Variants in MSRB3 observed in about 807,000 individuals in gnomAD.
MSRB3 encodes methionine sulfoxide reductase B3, also known as methionine-R-sulfoxide reductase B3.
MSRB3 carries 13 observed loss-of-function variants against 21.0 expected under a neutral mutation model. That is an observed-to-expected ratio of 0.62 (90% CI 0.40 to 0.98). MSRB3 has a LOEUF of 0.98. Among genes scored for constraint, MSRB3 ranks in the 50% least tolerant of loss-of-function variants. The pLI is 0.00. For missense variants in MSRB3, 199 were observed against 230.3 expected, an observed-to-expected ratio of 0.86 and a Z score of 0.88; for synonymous variants, 87 against 88.6, an observed-to-expected ratio of 0.98 and a Z score of 0.10.
chr12:65,396,451 G>A (rs542742473), intron 5 of MSRB3, among the ~76,000 whole-genome samples: 2 of 152,182 alleles, frequency 1.3e-5, no homozygotes, highest in Non-Finnish European at 2.9e-5. Flanking sequence ...AGCACTTTGG[G>A]AGGCTGAGGT....
intron 2 of MSRB3, among the ~76,000 whole-genome samples, chr12:65,313,977 T>G (rs1237011590): frequency 6.6e-6 from 1 of 152,198 alleles, no homozygotes; most frequent in African/African-American, 2.4e-5. Context: ...TTGTGAAAAC[T>G]TAAACAAAAG....
intron 1 of MSRB3, among the ~76,000 whole-genome samples, chr12:65,300,654 A>G (rs1323605599): frequency 6.6e-6 from 1 of 152,234 alleles, no homozygotes; most frequent in African/African-American, 2.4e-5. Flanking sequence ...ATTGGAACAA[A>G]TAGCCCCCAA....
intron 5 of MSRB3, among the ~76,000 whole-genome samples, chr12:65,379,772 T>G (rs140546554): frequency 2.8e-4 from 43 of 152,320 alleles, no homozygotes; most frequent in Non-Finnish European, 5.6e-4. Context: ...TGCAGTTGTG[T>G]TTACTGAGCA....
intron 5 of MSRB3, among the ~76,000 whole-genome samples, chr12:65,396,417 G>T (rs946045233): frequency 6.6e-6 from 1 of 152,200 alleles, no homozygotes; most frequent in African/African-American, 2.4e-5. Context: ...TGGGCTGGGT[G>T]CAGTGGCTCA....
chr12:65,440,025 G>C (rs1882296591), intron 5 of MSRB3, among the ~76,000 whole-genome samples: 2 of 151,784 alleles, frequency 1.3e-5, no homozygotes, highest in African/African-American at 4.8e-5. Context: ...TAGTAGAGCA[G>C]ACTCGTAGAC....
intron 5 of MSRB3, chr12:65,419,567 G>T: frequency 1.4e-6 from 1 of 736,240 alleles, no homozygotes. Context: ...TCGATCTGCA[G>T]AACAATGTGG....
chr12:65,312,511 T>C (rs1011473632), intron 2 of MSRB3, among the ~76,000 whole-genome samples: 1 of 152,072 alleles, frequency 6.6e-6, no homozygotes, highest in Non-Finnish European at 1.5e-5. Context: ...ATAAAATTTG[T>C]CTAAATAGTA....
chr12:65,393,449 C>T (rs186012524), intron 5 of MSRB3, among the ~76,000 whole-genome samples: 86 of 151,950 alleles, frequency 5.7e-4, no homozygotes, highest in Non-Finnish European at 9.0e-4. Flanking sequence ...CTGGCTAACA[C>T]GGTGAAACAC....
At chr12:65,352,839 T>A (rs1212934728) in intron 4 of MSRB3, among the ~76,000 whole-genome samples, 1 of 151,092 alleles carries the variant, frequency 6.6e-6, no homozygotes, top group Non-Finnish European at 1.5e-5. Flanking sequence ...GGAAGAACAT[T>A]CCATGCTCAT....
At chr12:65,373,556 T>C (rs1258411312) in intron 5 of MSRB3, among the ~76,000 whole-genome samples, 1 of 152,066 alleles carries the variant, frequency 6.6e-6, no homozygotes, top group Admixed American at 6.6e-5. Context: ...AGAAAGTGAA[T>C]AAGCTTATGT....
intron 2 of MSRB3, among the ~76,000 whole-genome samples, chr12:65,315,622 C>T (rs917935544): frequency 2.2e-5 from 3 of 135,560 alleles, no homozygotes; most frequent in African/African-American, 5.6e-5. Flanking sequence ...GAGCCGGGAT[C>T]GTATGATTGC....
chr12:65,454,760 G>A (rs1317403522), intron 6 of MSRB3, among the ~76,000 whole-genome samples: 1 of 152,128 alleles, frequency 6.6e-6, no homozygotes, highest in Non-Finnish European at 1.5e-5. Context: ...ATTAATGCTG[G>A]CTCTAAGGAA....
chr12:65,288,062 T>G (rs934555569), intron 1 of MSRB3, among the ~76,000 whole-genome samples: 4 of 152,066 alleles, frequency 2.6e-5, no homozygotes, highest in Admixed American at 2.6e-4. Context: ...CTCAGCACTT[T>G]GGGAGGCTGA....
At chr12:65,429,100 T>TA (rs1881755705) in intron 5 of MSRB3, among the ~76,000 whole-genome samples, 1 of 152,200 alleles carries the variant, frequency 6.6e-6, no homozygotes, top group South Asian at 2.1e-4. Flanking sequence ...GGACAGGAGA[T>TA]ACAGTGGCAA....
intron 3 of MSRB3, among the ~76,000 whole-genome samples, chr12:65,327,424 G>GTGGT (rs1251367063): frequency 6.6e-6 from 1 of 152,190 alleles, no homozygotes; most frequent in Non-Finnish European, 1.5e-5. Context: ...TGGCTCATTT[G>GTGGT]TGGTTGGAAT....
chr12:65,325,671 T>C (rs1355898518), intron 2 of MSRB3, among the ~76,000 whole-genome samples: 1 of 152,212 alleles, frequency 6.6e-6, no homozygotes, highest in Non-Finnish European at 1.5e-5. Flanking sequence ...ATCATATTTC[T>C]TTATATTTCA....
chr12:65,428,142 T>A (rs1305125521), intron 5 of MSRB3, among the ~76,000 whole-genome samples: 1 of 152,168 alleles, frequency 6.6e-6, no homozygotes, highest in African/African-American at 2.4e-5. Flanking sequence ...GGTTTGTTAT[T>A]TCAGTGGCAA....
chr12:65,459,862 G>T (rs1883245963), intron 6 of MSRB3, among the ~76,000 whole-genome samples: 2 of 152,176 alleles, frequency 1.3e-5, no homozygotes, highest in African/African-American at 4.8e-5. Flanking sequence ...TGTTAAACTT[G>T]ATGCTCAAAC....
At chr12:65,433,161 A>T (rs572645182) in intron 5 of MSRB3, among the ~76,000 whole-genome samples, 7 of 151,998 alleles carry the variant, frequency 4.6e-5, no homozygotes, top group Admixed American at 3.3e-4. Context: ...TCAAACAAGT[A>T]TTTTTTCTCC....
Sources: allele counts gnomAD v4.1 joint callset (sites outside exome capture counted in the v4.1 genomes callset), GRCh38; gene constraint gnomAD v4.1.1; transcripts MANE v1.5; gene names NCBI Gene and HGNC (gene_info 2026-07-23, HGNC 2026-07-21).